TFEB: variants seen among roughly 807,000 people sequenced by gnomAD.
TFEB encodes the protein transcription factor EB.
A neutral mutation model predicts 48.0 loss-of-function variants in TFEB; 12 were observed. That is an observed-to-expected ratio of 0.25 (90% CI 0.16 to 0.40). The LOEUF is 0.40. TFEB is among the 10% of genes least tolerant of loss of function. The pLI is 1.00. For synonymous variants in TFEB, 244 were observed against 261.4 expected, an observed-to-expected ratio of 0.93 and a Z score of 0.64; for missense variants, 509 against 640.3, an observed-to-expected ratio of 0.79 and a Z score of 2.21.
chr6:41,721,911 C>G (rs1771000398), intron 1 of TFEB, among the ~76,000 whole-genome samples: 1 of 152,168 alleles, frequency 6.6e-6, no homozygotes, highest in Admixed American at 6.5e-5. Flanking sequence ...CAAGACTACA[C>G]CCTGGCAGGG....
chr6:41,688,644 G>T (rs1769139015), intron 4 of TFEB, among the ~76,000 whole-genome samples: 1 of 152,142 alleles, frequency 6.6e-6, no homozygotes, highest in South Asian at 2.1e-4. Context: ...ACAGAAACAT[G>T]CAGAACAAAT....
intron 1 of TFEB, among the ~76,000 whole-genome samples, chr6:41,698,389 G>A (rs768765472): frequency 6.6e-6 from 1 of 152,162 alleles, no homozygotes; most frequent in Non-Finnish European, 1.5e-5. Context: ...GAGTTTCAGC[G>A]GCTGATCTCG....
intron 1 of TFEB, among the ~76,000 whole-genome samples, chr6:41,727,675 C>T (rs1011510504): frequency 8.5e-5 from 13 of 152,164 alleles, no homozygotes; most frequent in African/African-American, 3.1e-4. Context: ...CTGGGCAACA[C>T]AGAGAGACCC....
At chr6:41,705,320 C>T (rs549343945) in intron 1 of TFEB, among the ~76,000 whole-genome samples, 52 of 152,318 alleles carry the variant, frequency 3.4e-4, no homozygotes, top group Non-Finnish European at 4.0e-4. Flanking sequence ...ACGTCCTGCC[C>T]ACCTGAGGTT....
intron 4 of TFEB, among the ~76,000 whole-genome samples, chr6:41,688,902 G>A (rs13213655): frequency 0.054 from 8,292 of 152,266 alleles, 303 homozygotes; most frequent in Non-Finnish European, 0.086. Flanking sequence ...CAGGGTGAAA[G>A]GCTCATGCCC....
chr6:41,706,562 G>A lies in TFEB; in HGVS notation c.-22-15327C>T, dbSNP rs1278679864. 2.6e-5 allele frequency among the ~76,000 whole-genome samples: 4 copies of A among 151,528 alleles called. No individual in the cohort carries two copies. In the South Asian group the frequency reaches 6.3e-4, roughly 24 times the overall value. On this transcript the variant is annotated intron_variant, in intron 1 of 8. Transcript: ENST00000373033. ...GGGGTTCTGGGAAGAGCTAACAGGG[G>A]CCCACCCCAGGATTCCCAAATGCTG...
chr6:41,735,168 C>A (rs1156476104), intron 1 of TFEB, 182 bp downstream of exon 1: 2 of 931,798 alleles, frequency 2.1e-6, no homozygotes, highest in Non-Finnish European at 2.6e-6. Context: ...TCGGGCCACG[C>A]GCTGGGCGCC....
rs1334223205 is a variant in TFEB, at chr6:41,687,799, G to A, written c.681C>T (p.Ser227=). ...TQKRELTDAE[S]RALAKERQKK... ...TCTGCCGCTCCTTGGCCAGGGCCCTGCTCTCAGCATCTGGAGGCCAAAAGA... is the reference window on the plus strand; with the variant it reads ...TCTGCCGCTCCTTGGCCAGGGCCCTACTCTCAGCATCTGGAGGCCAAAAGA... The change falls in exon 6 of 9, where the codon AGC becomes AGT. Residue 227 remains serine, a synonymous_variant. Transcript: ENST00000373033. 1 of 1,613,892 alleles carries A rather than the reference G, an allele frequency of 6.2e-7. No homozygotes were observed. Among genetic ancestry groups the A allele is most frequent in the Non-Finnish European group, 8.5e-7 (1 of 1,179,878 alleles).
Position 41,723,984 on chromosome 6 carries a change from T to C in TFEB, c.-23+11366A>G, listed in dbSNP as rs962469500. ...GAAGCCCCACAGCTCACCATCTTCC[T>C]GACTGGCCATACACCTGCAGTCTTG... is the stretch of plus-strand genomic sequence containing the variant. On this transcript the variant is annotated intron_variant, in intron 1 of 8. Transcript: ENST00000373033. This position sits in a 1 kb window ranked among gnomAD's most constrained non-coding sequence, Gnocchi z 6.0. 14 of 498,796 alleles carry C rather than the reference T, an allele frequency of 2.8e-5. No homozygotes were observed. The highest frequency in any genetic ancestry group is 5.6e-5 in the Non-Finnish European group (14 of 250,496). 30.9% of individuals were successfully genotyped at this position (498,796 alleles called of 1,614,324 possible).
intron 5 of TFEB, 30 bp downstream of exon 5, chr6:41,687,878 C>G (rs1769093406): frequency 6.2e-7 from 1 of 1,609,676 alleles, no homozygotes; most frequent in African/African-American, 1.3e-5. Flanking sequence ...GTCGGGTATT[C>G]AAAGGCACAG....
Position 41,684,635 on chromosome 6 carries a change from C to G in TFEB, c.1395G>C (p.Arg465=), listed in dbSNP as rs774015312. The change falls in exon 9 of 9, where the codon CGG becomes CGC. Residue 465 remains arginine, a synonymous_variant. Coordinates refer to ENST00000373033, the MANE Select transcript of TFEB (RefSeq NM_001271944.2). ...SPEASKASSR[R]SSFSMEEGDV... ...CGCCCTCCTCCATGCTGAAGCTGCT[C>G]CGGCGGCTGCTGGCCTTGGAGGCCT... 4.4e-6 allele frequency: 7 copies of G among 1,606,124 alleles called. No individual in the cohort carries two copies. Among genetic ancestry groups the G allele is most frequent in the Admixed American group, 1.7e-5 (1 of 59,262 alleles).
chr6:41,687,580 A>C (rs1769075598), intron 6 of TFEB, 173 bp downstream of exon 6: 6 of 779,034 alleles, frequency 7.7e-6, no homozygotes, highest in Non-Finnish European at 1.3e-5. Flanking sequence ...AGACAGCACT[A>C]ATAGTCCCAG....
intron 1 of TFEB, chr6:41,732,545 C>G: frequency 5.1e-6 from 5 of 984,386 alleles, no homozygotes; most frequent in Non-Finnish European, 4.8e-6. Flanking sequence ...CACACATGCA[C>G]AGTTCATCTC....
chr6:41,712,376 T>C lies in TFEB; in HGVS notation c.-22-21141A>G, dbSNP rs140708102. 1.3e-3 allele frequency among the ~76,000 whole-genome samples: 202 copies of C among 152,266 alleles called. 2 individuals carry two copies. Among genetic ancestry groups the C allele is most frequent in the Middle Eastern group, 6.8e-3 (2 of 294 alleles). ...CACCGTGCCTTTTCCTGAGTCCTGG[T>C]CTGGGATTGGGTGACGAGACCAGTA... On this transcript the variant is annotated intron_variant, in intron 1 of 8. Coordinates refer to ENST00000373033, the MANE Select transcript of TFEB (RefSeq NM_001271944.2).
At chr6:41,725,014 C>T (rs753677381) in intron 1 of TFEB, among the ~76,000 whole-genome samples, 1 of 152,254 alleles carries the variant, frequency 6.6e-6, no homozygotes, top group Non-Finnish European at 1.5e-5. Context: ...TGCACATTCA[C>T]CATCTCCCCC....
At chr6:41,698,554 A>C (rs34203781) in intron 1 of TFEB, among the ~76,000 whole-genome samples, 14,535 of 152,240 alleles carry the variant, frequency 0.095, 907 homozygotes, top group Non-Finnish European at 0.13. Context: ...GAAACAACAA[A>C]GTGTGCAAGC....
At position 41,701,944 on chromosome 6, in the gene TFEB, C is replaced by CAA. The variant is rs58971184; in HGVS notation, c.-22-10711_-22-10710dup. On this transcript the variant is annotated intron_variant, in intron 1 of 8. Transcript: ENST00000373033. ...TGGGCGACAGAGCAAGGCTCCGTCT[C>CAA]AAAAAAAAAAAAAAAAGAAAGATTA... Among the ~76,000 whole-genome samples the CAA allele has an allele frequency of 6.3e-4, 69 of 109,688 alleles. 2 individuals are homozygous for CAA. Among genetic ancestry groups the CAA allele is most frequent in the African/African-American group, 1.9e-3 (58 of 30,666 alleles). 72.0% of individuals were successfully genotyped at this position (109,688 alleles called of 152,430 possible). A position where few individuals can be genotyped will look rare whatever the true frequency, so the allele number is the denominator to read the frequency against.
Position 41,690,870 on chromosome 6 carries a change from C to A in TFEB, c.261G>T (p.Ser87=). The change falls in exon 3 of 9, where the codon TCG becomes TCT. Residue 87 remains serine, a synonymous_variant. Coordinates refer to ENST00000373033, the MANE Select transcript of TFEB (RefSeq NM_001271944.2). ...ENPTSYHLQQ[S]QHQKVREYLS... The stretch of plus-strand genomic sequence containing the variant: ...GGTACTCCCGCACCTTCTGATGCTG[C>A]GACTGCTGCAGATGGTAGGATGTGG... 1 of 1,607,776 alleles carries A rather than the reference C, an allele frequency of 6.2e-7. No homozygotes were observed. Among genetic ancestry groups the A allele is most frequent in the Non-Finnish European group, 8.5e-7 (1 of 1,175,786 alleles).
In TFEB at chr6:41,720,076, C is replaced by G. The variant is rs1246270965; in HGVS notation, c.-23+15274G>C. Among the ~76,000 whole-genome samples the G allele has an allele frequency of 6.6e-6, 1 of 152,242 alleles. No individual in the cohort carries two copies. Among genetic ancestry groups the G allele is most frequent in the Non-Finnish European group, 1.5e-5 (1 of 68,046 alleles). On this transcript the variant is annotated intron_variant, in intron 1 of 8. Transcript: ENST00000373033. This position sits in a 1 kb window ranked among gnomAD's most constrained non-coding sequence, Gnocchi z 4.1. ...CACATTCTACTGTGGGAGCTCATGCCTGAGCCTCTGGGCTCTGTGCTCAGT... is the reference window on the plus strand; with the variant it reads ...CACATTCTACTGTGGGAGCTCATGCGTGAGCCTCTGGGCTCTGTGCTCAGT...
Sources: allele counts gnomAD v4.1 joint callset (sites outside exome capture counted in the v4.1 genomes callset), GRCh38; gene constraint gnomAD v4.1.1; non-coding constraint Gnocchi (gnomAD v3.1); transcripts MANE v1.5; gene names NCBI Gene and HGNC (gene_info 2026-07-23, HGNC 2026-07-21).